Variants in ZNF680 observed in about 807,000 individuals in gnomAD.
ZNF680 encodes hypothetical protein FLJ90430.
In ZNF680, 6 loss-of-function variants were observed where a neutral mutation model predicts 12.1. The ratio of observed to expected loss-of-function variants is 0.49; its 90% CI spans 0.27 to 0.98. The LOEUF is 0.98. ZNF680 is among the 50% of genes least tolerant of loss of function. The pLI is 0.12. For synonymous variants in ZNF680, 170 were observed against 199.3 expected, an observed-to-expected ratio of 0.85 and a Z score of 1.24; for missense variants, 561 against 616.3, an observed-to-expected ratio of 0.91 and a Z score of 0.95.
intron 1 of ZNF680, among the ~76,000 whole-genome samples, chr7:64,544,990 G>A (rs1014750716): frequency 1.4e-4 from 22 of 152,198 alleles, no homozygotes; most frequent in Non-Finnish European, 2.6e-4. Context: ...CAGGCATGGT[G>A]GCTCACGCCT....
chr7:64,528,375 G>A (rs373085817), intron 3 of ZNF680, among the ~76,000 whole-genome samples: 3 of 152,182 alleles, frequency 2.0e-5, no homozygotes, highest in African/African-American at 4.8e-5. Context: ...TCACAGGGCC[G>A]GGGAAGAACT....
At chr7:64,509,857 T>C in the ZNF680 span, among the ~76,000 whole-genome samples, 6 of 151,988 alleles carry the variant, frequency 3.9e-5, no homozygotes, top group African/African-American at 1.4e-4. Context: ...AGAAAGAGGA[T>C]GCCCCTTCTC....
the ZNF680 span, among the ~76,000 whole-genome samples, chr7:64,508,991 T>C: frequency 6.6e-6 from 1 of 152,158 alleles, no homozygotes; most frequent in South Asian, 2.1e-4. Flanking sequence ...GTAATAGACA[T>C]TTATGGCACT....
chr7:64,528,320 G>A (rs1365184583), intron 3 of ZNF680, among the ~76,000 whole-genome samples: 1 of 152,174 alleles, frequency 6.6e-6, no homozygotes, highest in Admixed American at 6.5e-5. Context: ...TCGGCAAAGG[G>A]CGAGAATCCA....
the ZNF680 span, among the ~76,000 whole-genome samples, chr7:64,505,729 T>A: frequency 6.6e-6 from 1 of 152,090 alleles, no homozygotes; most frequent in Admixed American, 6.5e-5. Flanking sequence ...TTAGGCTATC[T>A]CAGATGAGAG....
At chr7:64,519,251 C>G (rs1016843780), downstream of ZNF680, among the ~76,000 whole-genome samples, 24 of 151,984 alleles carry the variant, frequency 1.6e-4, no homozygotes, top group African/African-American at 5.5e-4. Flanking sequence ...CTCAACATCT[C>G]TAATTATCAG....
At position 64,560,275 on chromosome 7, in the gene ZNF680, G is replaced by A. The variant is rs1326109880; in HGVS notation, c.30+2650C>T. Among the ~76,000 whole-genome samples the A allele has an allele frequency of 3.9e-5, 6 of 151,996 alleles. No homozygotes were observed. In the East Asian group the frequency reaches 5.9e-4, roughly 15 times the overall value. ...ATTACAGGCATGTACCACCACGCCCGGCTAATTTTTGTATTTTTAGTAGCG... is the reference window on the plus strand; with the variant it reads ...ATTACAGGCATGTACCACCACGCCCAGCTAATTTTTGTATTTTTAGTAGCG... On this transcript the variant is annotated intron_variant, in intron 1 of 3. Coordinates refer to ENST00000309683, the MANE Select transcript of ZNF680 (RefSeq NM_178558.5).
chr7:64,532,642 G>C (rs1050208044), intron 3 of ZNF680, among the ~76,000 whole-genome samples: 1 of 152,108 alleles, frequency 6.6e-6, no homozygotes, highest in African/African-American at 2.4e-5. Context: ...CCAGAAGACA[G>C]AGTAAGAGGG....
At chr7:64,507,312 T>C in the ZNF680 span, among the ~76,000 whole-genome samples, 1 of 152,146 alleles carries the variant, frequency 6.6e-6, no homozygotes, top group South Asian at 2.1e-4. Flanking sequence ...TAGAGAGTTG[T>C]TCATCAAAGG....
chr7:64,539,112 C>T lies in ZNF680; in HGVS notation c.253+4595G>A, dbSNP rs150586485. The stretch of plus-strand genomic sequence containing the variant: ...TGCCATTGCACTCTAGCCTGGGAGG[C>T]AGAGCAAGACTCCATCTCAAAAAAA... On this transcript the variant is annotated intron_variant, in intron 3 of 3. Coordinates refer to ENST00000309683, the MANE Select transcript of ZNF680 (RefSeq NM_178558.5). 6.7e-3 allele frequency among the ~76,000 whole-genome samples: 712 copies of T among 105,620 alleles called. 22 individuals are homozygous for T. The Admixed American group carries it at 0.074, about 11-fold the overall frequency. 69.3% of individuals were successfully genotyped at this position (105,620 alleles called of 152,430 possible).
the ZNF680 span, among the ~76,000 whole-genome samples, chr7:64,504,226 TTTCAATGCC>T: frequency 6.6e-6 from 1 of 152,200 alleles, no homozygotes; most frequent in Non-Finnish European, 1.5e-5. Context: ...TCTTTCACTA[TTTCAATGCC>T]TTCTTCCGTT....
At chr7:64,553,893 G>A (rs1053368424) in intron 1 of ZNF680, among the ~76,000 whole-genome samples, 1 of 152,182 alleles carries the variant, frequency 6.6e-6, no homozygotes, top group African/African-American at 2.4e-5. Context: ...AGTGCTCAAT[G>A]TTGCCCAGGC....
the ZNF680 span, among the ~76,000 whole-genome samples, chr7:64,510,037 A>C: frequency 6.6e-6 from 1 of 151,518 alleles, no homozygotes; most frequent in South Asian, 2.1e-4. Flanking sequence ...AAAAAAAAAA[A>C]AAAAAGACTT....
chr7:64,525,034 T>C (rs552255717), intron 3 of ZNF680: 3 of 152,206 alleles, frequency 2.0e-5, no homozygotes, highest in South Asian at 2.1e-4. Flanking sequence ...TTTGAAGAAA[T>C]AGAAACAGCA....
Position 64,521,781 on chromosome 7 carries a change from CA to C in ZNF680, c.972del (p.Cys324TrpfsTer74), listed in dbSNP as rs748341409. On this transcript the variant is annotated frameshift_variant, in exon 4 of 4. Coordinates refer to ENST00000309683, the MANE Select transcript of ZNF680 (RefSeq NM_178558.5). LOFTEE classifies it low-confidence loss of function (END_TRUNC). ...RIHTGEKPFK[C>X]EECGKDFNQF... is the part of the protein sequence containing the mutation. Reference sequence around the variant, plus strand: ...TGGTTAAAGTCTTTGCCACATTCTTCACATTTGAAGGGTTTCTCTCCAGTAT... The same window carrying C: ...TGGTTAAAGTCTTTGCCACATTCTTCCATTTGAAGGGTTTCTCTCCAGTAT... The C allele has an allele frequency of 7.4e-6, 12 of 1,612,892 alleles. No individual in the cohort carries two copies. Among genetic ancestry groups the C allele is most frequent in the Non-Finnish European group, 1.0e-5 (12 of 1,179,712 alleles).
downstream of ZNF680, among the ~76,000 whole-genome samples, chr7:64,516,508 CATA>C (rs949073295): frequency 9.9e-5 from 15 of 152,124 alleles, no homozygotes; most frequent in African/African-American, 3.6e-4. Flanking sequence ...TAGACAGAAA[CATA>C]ATAATAGTGG....
At chr7:64,504,344 C>T in the ZNF680 span, among the ~76,000 whole-genome samples, 3 of 152,180 alleles carry the variant, frequency 2.0e-5, no homozygotes, top group Non-Finnish European at 2.9e-5. Context: ...GTGGTATTCA[C>T]GTGCCAAACA....
chr7:64,500,129 C>T, the ZNF680 span, among the ~76,000 whole-genome samples: 1 of 152,172 alleles, frequency 6.6e-6, no homozygotes, highest in Non-Finnish European at 1.5e-5. Flanking sequence ...CAAAATAAAC[C>T]TGTCCCTGTT....
intron 3 of ZNF680, among the ~76,000 whole-genome samples, chr7:64,528,278 T>C (rs1032322932): frequency 8.5e-5 from 13 of 152,050 alleles, no homozygotes; most frequent in South Asian, 6.2e-4. Flanking sequence ...TTGTGACAAT[T>C]TGAACCAGCT....
Sources: allele counts gnomAD v4.1 joint callset (sites outside exome capture counted in the v4.1 genomes callset), GRCh38; gene constraint gnomAD v4.1.1; transcripts MANE v1.5; gene names NCBI Gene and HGNC (gene_info 2026-07-23, HGNC 2026-07-21).